Variants in SRGAP3 observed in about 807,000 individuals in gnomAD.
The protein encoded by SRGAP3 is SLIT-ROBO Rho GTPase-activating protein 3.
SRGAP3 carries 39 observed loss-of-function variants against 121.1 expected under a neutral mutation model. That is an observed-to-expected ratio of 0.32 (90% confidence interval 0.25 to 0.42). SRGAP3 has a LOEUF of 0.42. Among genes scored for constraint, SRGAP3 ranks in the 10% least tolerant of loss-of-function variants. The pLI is 1.00. For missense variants in SRGAP3, 1,213 were observed against 1,470.6 expected, an observed-to-expected ratio of 0.82 and a Z score of 2.86; for synonymous variants, 601 against 570.0, an observed-to-expected ratio of 1.05 and a Z score of -0.77.
intron 20 of SRGAP3, among the ~76,000 whole-genome samples, chr3:8,992,312 T>C (rs916296428): frequency 7.2e-5 from 11 of 152,202 alleles, no homozygotes; most frequent in African/African-American, 2.4e-4. Flanking sequence ...TTTTAAAAAA[T>C]AACCACATAC....
chr3:9,126,677 G>A (rs1233318699), intron 1 of SRGAP3, among the ~76,000 whole-genome samples: 3 of 151,082 alleles, frequency 2.0e-5, no homozygotes, highest in Non-Finnish European at 4.4e-5. Flanking sequence ...AATGTAAAAT[G>A]TTCATGTTAC....
At chr3:8,991,008 G>C (rs957400385) in intron 20 of SRGAP3, among the ~76,000 whole-genome samples, 169 bp from the exon 21 acceptor site, 1 of 152,186 alleles carries the variant, frequency 6.6e-6, no homozygotes, top group Admixed American at 6.5e-5. Flanking sequence ...AGCTGGCTCA[G>C]CACACAGCTC....
chr3:9,290,565 T>C (rs1954853865), intron 3 of SRGAP3, among the ~76,000 whole-genome samples: 1 of 152,200 alleles, frequency 6.6e-6, no homozygotes, highest in Admixed American at 6.5e-5. Flanking sequence ...AAGTTTTTTA[T>C]ATTATTGTTT....
intron 18 of SRGAP3, among the ~76,000 whole-genome samples, chr3:8,997,593 C>G (rs1012955136): frequency 2.6e-5 from 4 of 152,206 alleles, no homozygotes; most frequent in African/African-American, 9.7e-5. Context: ...CTCTGTCTCT[C>G]TCTCTCCTTC....
chr3:8,984,909 C>G lies in SRGAP3; in HGVS notation c.*610G>C. 4.4e-6 allele frequency: 1 copy of G among 228,944 alleles called. No individual in the cohort carries two copies. The highest frequency in any genetic ancestry group is 8.7e-6 in the Non-Finnish European group (1 of 115,102). The allele number at this position is 228,944 out of a possible 1,614,324, so 14.2% of individuals were successfully genotyped here. On this transcript the variant is annotated 3_prime_UTR_variant, in exon 22 of 22. Transcript: ENST00000383836. ...CAGGTTAGTGGTATATTGCTTCATT[C>G]GCAGTTACTATGGGCCTTTAAGTTC...
intron 3 of SRGAP3, among the ~76,000 whole-genome samples, chr3:9,288,701 A>C (rs1190236686): frequency 1.3e-5 from 2 of 151,754 alleles, no homozygotes; most frequent in Non-Finnish European, 2.9e-5. Context: ...CAGCCTCCCA[A>C]GTAGTTGGGA....
intron 8 of SRGAP3, among the ~76,000 whole-genome samples, chr3:9,054,768 T>C (rs1280785217): frequency 2.6e-5 from 4 of 152,254 alleles, no homozygotes; most frequent in African/African-American, 4.8e-5. Context: ...GGAGGTGCTA[T>C]GGTGCGTTGT....
intron 1 of SRGAP3, among the ~76,000 whole-genome samples, chr3:9,154,203 C>T (rs1950320668): frequency 6.6e-6 from 1 of 152,122 alleles, no homozygotes; most frequent in Non-Finnish European, 1.5e-5. Flanking sequence ...CCCATCACAC[C>T]ACACACTCTC....
chr3:9,085,569 C>A (rs192829667), intron 3 of SRGAP3, among the ~76,000 whole-genome samples: 1 of 152,152 alleles, frequency 6.6e-6, no homozygotes, highest in East Asian at 1.9e-4. Context: ...ACCCAAATAC[C>A]GATCAATGAT....
intron 2 of SRGAP3, among the ~76,000 whole-genome samples, chr3:9,119,556 G>A (rs1948928312): frequency 6.6e-6 from 1 of 152,134 alleles, no homozygotes; most frequent in Non-Finnish European, 1.5e-5. Flanking sequence ...CTTGGTGTGG[G>A]CTGCCAACCC....
intron 1 of SRGAP3, among the ~76,000 whole-genome samples, chr3:9,150,744 AG>A (rs1027912547): frequency 1.3e-5 from 2 of 152,204 alleles, no homozygotes; most frequent in African/African-American, 4.8e-5. Context: ...GCCTCTATGA[AG>A]GAAAAAAAAA....
At chr3:9,354,169 C>T (rs374099807) in intron 1 of SRGAP3, among the ~76,000 whole-genome samples, 8 of 152,086 alleles carry the variant, frequency 5.3e-5, no homozygotes, top group African/African-American at 1.9e-4. Context: ...GGCTAAACTT[C>T]AAGTACCATA....
intron 3 of SRGAP3, among the ~76,000 whole-genome samples, chr3:9,282,481 G>A (rs1456936011): frequency 1.3e-5 from 2 of 151,894 alleles, no homozygotes; most frequent in Non-Finnish European, 2.9e-5. Flanking sequence ...TGATATATTT[G>A]TTTTTGTTTT....
At chr3:9,026,515 G>A (rs1156566770) in intron 13 of SRGAP3, among the ~76,000 whole-genome samples, 1 of 152,162 alleles carries the variant, frequency 6.6e-6, no homozygotes, top group African/African-American at 2.4e-5. Flanking sequence ...ATCATTATTA[G>A]GTTGGTGCAA....
At chr3:9,072,036 T>G (rs1177180366) in intron 4 of SRGAP3, among the ~76,000 whole-genome samples, 1 of 152,122 alleles carries the variant, frequency 6.6e-6, no homozygotes, top group Non-Finnish European at 1.5e-5. Flanking sequence ...TTGCACCAGA[T>G]TCCAGTCCCT....
At chr3:9,005,815 T>TTC (rs1943036755) in intron 18 of SRGAP3, among the ~76,000 whole-genome samples, 1 of 152,188 alleles carries the variant, frequency 6.6e-6, no homozygotes, top group Non-Finnish European at 1.5e-5. Flanking sequence ...GGTACAGGGC[T>TTC]TCTTTTCAAG....
intron 1 of SRGAP3, among the ~76,000 whole-genome samples, chr3:9,183,266 G>T (rs1951485737): frequency 1.3e-5 from 2 of 152,146 alleles, no homozygotes; most frequent in African/African-American, 4.8e-5. Context: ...TGCAGCCACG[G>T]CGCCTGGGTC....
intron 1 of SRGAP3, among the ~76,000 whole-genome samples, chr3:9,138,505 A>G (rs752784657): frequency 1.8e-4 from 27 of 152,224 alleles, no homozygotes; most frequent in Non-Finnish European, 2.6e-4. Flanking sequence ...GAAGGCAGGA[A>G]GGGTTGAAGG....
At chr3:9,281,301 GA>G (rs1167445530) in intron 3 of SRGAP3, among the ~76,000 whole-genome samples, 2 of 152,204 alleles carry the variant, frequency 1.3e-5, no homozygotes, top group Non-Finnish European at 2.9e-5. Context: ...CAGGGCTGAG[GA>G]CTTGGCCCGT....
Sources: gnomAD v4.1 joint callset for allele counts (sites outside exome capture counted in the v4.1 genomes callset) on GRCh38, gnomAD v4.1.1 for gene constraint, MANE v1.5 for transcripts, NCBI Gene and HGNC (gene_info 2026-07-23, HGNC 2026-07-21) for gene names.